PARP4: variants seen among roughly 807,000 people sequenced by gnomAD.
PARP4 encodes the protein poly(ADP-ribose) polymerase family member 4, also known as protein mono-ADP-ribosyltransferase PARP4.
Under a neutral mutation model 187.7 loss-of-function variants are expected in PARP4, and 120 were observed. The ratio of observed to expected loss-of-function variants is 0.64; its 90% CI spans 0.55 to 0.74. The LOEUF (loss-of-function observed/expected upper bound fraction) is 0.74. Among genes scored for constraint, PARP4 ranks in the 30% least tolerant of loss-of-function variants. The probability of loss-of-function intolerance (pLI) is 0.00; values close to 1 mark genes in which losing one functional copy is unlikely to be tolerated. For synonymous variants in PARP4, 654 were observed against 740.9 expected (o/e 0.88, Z 1.90); for missense variants, 1,836 against 2,070.5 (o/e 0.89, Z 2.20).
intron 20 of PARP4, among the ~76,000 whole-genome samples, chr13:24,457,493 A>G (rs557457784): frequency 2.0e-3 from 309 of 152,254 alleles, no homozygotes; most frequent in Middle Eastern, 3.4e-3. Flanking sequence ...CTCCTCCACC[A>G]CTATGTAGTG....
At chr13:24,440,413 T>TA (rs1870863525) in intron 30 of PARP4, among the ~76,000 whole-genome samples, 2 of 55,398 alleles carry the variant, frequency 3.6e-5, no homozygotes, top group Non-Finnish European at 3.6e-5. Context: ...AAAAAAAAAT[T>TA]AAAATTAAAA....
At chr13:24,451,694 G>A (rs887004888) in intron 24 of PARP4, among the ~76,000 whole-genome samples, 2 of 152,108 alleles carry the variant, frequency 1.3e-5, no homozygotes, top group African/African-American at 4.8e-5. Flanking sequence ...AGGAGTCCAG[G>A]GGCCACAGAG....
In PARP4 at chr13:24,498,078, G is replaced by A. The variant is rs749181061; in HGVS notation, c.591+38C>T. 9.4e-6 allele frequency: 13 copies of A among 1,383,568 alleles called. No individual in the cohort carries two copies. In the South Asian group the frequency reaches 1.3e-4, roughly 14 times the overall value. The allele number at this position is 1,383,568 out of a possible 1,614,324, so 85.7% of individuals were successfully genotyped here. ...TCATTGAAATGAGTTATGAACAGAG[G>A]TCAGTAAACACATAGGAATCAATAT... is the stretch of plus-strand genomic sequence containing the variant. On this transcript the variant is annotated intron_variant, in intron 6 of 33. Coordinates refer to ENST00000381989, the MANE Select transcript of PARP4 (RefSeq NM_006437.4).
intron 20 of PARP4, among the ~76,000 whole-genome samples, chr13:24,458,333 T>A (rs1265580210): frequency 1.3e-5 from 2 of 151,818 alleles, no homozygotes; most frequent in Non-Finnish European, 2.9e-5. Flanking sequence ...ATGGTCTCGA[T>A]CTCCTGACCT....
intron 32 of PARP4, 71 bp from the exon 33 acceptor site, chr13:24,426,669 C>A: frequency 1.5e-6 from 2 of 1,331,920 alleles, no homozygotes. Context: ...TTATAAAATT[C>A]TCATTAAAGA....
At chr13:24,469,247 A>G (rs1314555991) in intron 16 of PARP4, 137 bp from the exon 17 acceptor site, 3 of 627,042 alleles carry the variant, frequency 4.8e-6, no homozygotes, top group Non-Finnish European at 8.5e-6. Flanking sequence ...ACTTAAATGA[A>G]GTGATCATCG....
chr13:24,436,691 A>G (rs1336095594), intron 30 of PARP4, among the ~76,000 whole-genome samples: 1 of 126,174 alleles, frequency 7.9e-6, no homozygotes, highest in Non-Finnish European at 1.7e-5. Context: ...GAGGGATGCT[A>G]TATTACTACT....
Position 24,434,534 on chromosome 13 carries a change from C to A in PARP4, c.4607G>T (p.Cys1536Phe). The A allele has an allele frequency of 1.2e-6, 2 of 1,613,968 alleles. No individual in the cohort carries two copies. Among genetic ancestry groups the A allele is most frequent in the Non-Finnish European group, 1.7e-6 (2 of 1,179,830 alleles). ...TGTATCACATTTTATTTGTAAAAAG[C>A]AGCTGTCTTGAAGTACTTCTGATAG... ...DELSEVLQDS[C>F]FLQIKCDTKD... The change falls in exon 31 of 34, where the codon TGC becomes TTC. Residue 1536 changes from cysteine (C) to phenylalanine (F), a missense_variant. By Grantham distance (205) the Cys-to-Phe change is radical (BLOSUM62 -2). Transcript: ENST00000381989.
chr13:24,506,612 A>C (rs912681355), intron 1 of PARP4, among the ~76,000 whole-genome samples: 4 of 152,096 alleles, frequency 2.6e-5, no homozygotes, highest in Admixed American at 2.6e-4. Flanking sequence ...TGCATTTACA[A>C]ACCTTGAGCT....
At chr13:24,510,548 C>T (rs1309691848) in intron 1 of PARP4, among the ~76,000 whole-genome samples, 1 of 53,390 alleles carries the variant, frequency 1.9e-5, no homozygotes, top group African/African-American at 6.5e-5. Flanking sequence ...AGCGAGACTC[C>T]GTCTCAAAAA....
intron 24 of PARP4, among the ~76,000 whole-genome samples, chr13:24,450,285 A>G (rs1871440687): frequency 6.6e-6 from 1 of 151,378 alleles, no homozygotes; most frequent in South Asian, 2.1e-4. Flanking sequence ...TCACTCTAGC[A>G]AAGAGCATCT....
At chr13:24,436,617 C>T (rs1870652192) in intron 30 of PARP4, among the ~76,000 whole-genome samples, 1 of 152,114 alleles carries the variant, frequency 6.6e-6, no homozygotes, top group Non-Finnish European at 1.5e-5. Flanking sequence ...CAAAAGCTTT[C>T]AAGTAATTAA....
chr13:24,422,712 G>A (rs958789993), intron 33 of PARP4, among the ~76,000 whole-genome samples: 7 of 152,096 alleles, frequency 4.6e-5, no homozygotes, highest in Non-Finnish European at 8.8e-5. Flanking sequence ...TGGTTCAAGT[G>A]ATTCTCCTGC....
At position 24,467,227 on chromosome 13, in the gene PARP4, A is replaced by T. The variant is rs561777196; in HGVS notation, c.2133+1797T>A. Among the ~76,000 whole-genome samples, 7 of 152,328 alleles carry T rather than the reference A, an allele frequency of 4.6e-5. No individual in the cohort carries two copies. The South Asian group carries it at 1.4e-3, about 32-fold the overall frequency. On this transcript the variant is annotated intron_variant, in intron 17 of 33. Transcript: ENST00000381989. ...CACTGTCTTCATCCTTGGTTTCGGC[A>T]CCACAATTTTCTCTTTATTGTACCA... is the stretch of plus-strand genomic sequence containing the variant.
intron 25 of PARP4, among the ~76,000 whole-genome samples, chr13:24,448,755 G>T (rs538922608): frequency 3.5e-4 from 53 of 152,316 alleles, no homozygotes; most frequent in Non-Finnish European, 6.9e-4. Flanking sequence ...GCAAAACGTG[G>T]TCCATCCATG....
chr13:24,441,034 G>C, intron 30 of PARP4, among the ~76,000 whole-genome samples: 1 of 152,114 alleles, frequency 6.6e-6, no homozygotes, highest in Admixed American at 6.5e-5. Flanking sequence ...ACCACGCCCA[G>C]CTAATTTTTG....
chr13:24,437,991 C>T (rs769578710), intron 30 of PARP4, among the ~76,000 whole-genome samples: 3 of 152,170 alleles, frequency 2.0e-5, no homozygotes, highest in Non-Finnish European at 2.9e-5. Context: ...CTCCTGATCT[C>T]AGGTGATCCA....
rs548554696 is a variant in PARP4, at chr13:24,440,003, C to T, written c.3666+1843G>A. 2.6e-5 allele frequency among the ~76,000 whole-genome samples: 4 copies of T among 152,324 alleles called. No individual in the cohort carries two copies. In the East Asian group the frequency reaches 7.7e-4, roughly 29 times the overall value. Reference sequence around the variant, plus strand: ...CACCTGAGCCTGGCTGAATGCACCTCCTACTACTCCTGACTCCCCAAACTC... The same window carrying T: ...CACCTGAGCCTGGCTGAATGCACCTTCTACTACTCCTGACTCCCCAAACTC... On this transcript the variant is annotated intron_variant, in intron 30 of 33. Coordinates refer to ENST00000381989, the MANE Select transcript of PARP4 (RefSeq NM_006437.4).
At chr13:24,425,605 C>CTATATCTATATATATATATA (rs139404140) in intron 33 of PARP4, among the ~76,000 whole-genome samples, 92 of 146,932 alleles carry the variant, frequency 6.3e-4, no homozygotes, top group Non-Finnish European at 1.1e-3. Flanking sequence ...ATATCTATAT[C>CTATATCTATATATATATATA]TATATATCTC....
Sources: allele counts gnomAD v4.1 joint callset (sites outside exome capture counted in the v4.1 genomes callset), GRCh38; gene constraint gnomAD v4.1.1; transcripts MANE v1.5; gene names NCBI Gene and HGNC (gene_info 2026-07-23, HGNC 2026-07-21).